BRAT1: variants seen among roughly 807,000 people sequenced by gnomAD.
The protein encoded by BRAT1 is BRCA1 associated ATM activator 1.
A neutral mutation model predicts 70.6 loss-of-function variants in BRAT1; 74 were observed. The observed-to-expected ratio is 1.05, with a 90% CI of 0.87 to 1.27. The LOEUF (loss-of-function observed/expected upper bound fraction) is 1.27, where lower values mean the gene tolerates loss of function less well. Among genes scored for constraint, BRAT1 ranks in the 50% most tolerant of loss-of-function variants. The pLI is 0.00. For missense variants in BRAT1, 1,203 were observed against 1,098.2 expected (o/e 1.10, Z -1.35); for synonymous variants, 615 against 517.1 (o/e 1.19, Z -2.57).
rs146355190 is a variant in BRAT1 at position 2,548,947 on chromosome 7, G to A, written c.128-1469C>T. ...ACCACTGCACTCCAGCCTGGTGACA[G>A]GGCAAGACTCTGTCTCAAAAACAAA... On this transcript the variant is annotated intron_variant, in intron 2 of 13. Coordinates refer to ENST00000340611, the MANE Select transcript of BRAT1 (RefSeq NM_152743.4). Among the ~76,000 whole-genome samples the A allele has an allele frequency of 8.2e-3, 1,249 of 152,256 alleles. 23 individuals are homozygous for A. Among genetic ancestry groups the A allele is most frequent in the African/African-American group, 0.029 (1,186 of 41,532 alleles).
At chr7:2,548,991 A>G (rs1261701612) in intron 2 of BRAT1, among the ~76,000 whole-genome samples, 2 of 152,170 alleles carry the variant, frequency 1.3e-5, no homozygotes, top group Non-Finnish European at 2.9e-5. Flanking sequence ...CAAACAAAAA[A>G]CAATGCCACT....
In BRAT1 at chr7:2,543,807, G is replaced by C. The variant is rs149814450; in HGVS notation, c.586C>G (p.Gln196Glu). ...LPGGDWPACAQKIMDHVEESL... is the reference protein window; with the variant it reads ...LPGGDWPACAEKIMDHVEESL... ...TCTTCAACGTGATCCATGATCTTCT[G>C]GGCACACGCGGGCCAGTCACCCCCC... The change falls in exon 5 of 14, where the codon CAG (glutamine) becomes GAG (glutamate). Residue 196 changes from glutamine (Q) to glutamate (E), a missense_variant. Physicochemically the swap from Gln to Glu is conservative, Grantham distance 29. Coordinates refer to ENST00000340611, the MANE Select transcript of BRAT1 (RefSeq NM_152743.4). The surrounding 1 kb of genome is among the most constrained non-coding windows in gnomAD (Gnocchi z 5.5). The C allele has an allele frequency of 1.9e-6, 3 of 1,612,742 alleles. No homozygotes were observed. Among genetic ancestry groups the C allele is most frequent in the African/African-American group, 2.7e-5 (2 of 74,904 alleles).
At chr7:2,553,957 T>C (rs1780224363) in intron 2 of BRAT1, among the ~76,000 whole-genome samples, 1 of 152,140 alleles carries the variant, frequency 6.6e-6, no homozygotes, top group South Asian at 2.1e-4. Flanking sequence ...CCTACTTTCA[T>C]AATCAGAAAG....
At chr7:2,552,378 A>C (rs371344320) in intron 2 of BRAT1, among the ~76,000 whole-genome samples, 1 of 151,188 alleles carries the variant, frequency 6.6e-6, no homozygotes, top group Admixed American at 6.6e-5. Flanking sequence ...TCAGCCTCCC[A>C]AAGTGCTGGG....
At chr7:2,540,849 G>T in intron 10 of BRAT1, 130 bp downstream of exon 10, 2 of 993,064 alleles carry the variant, frequency 2.0e-6, no homozygotes, top group South Asian at 2.2e-5. Flanking sequence ...GAAGCTCTCT[G>T]AGCAGCAGCT....
At position 2,537,887 on chromosome 7, in the gene BRAT1, A is replaced by T. The variant is rs1040781716; in HGVS notation, c.*182T>A. Reference sequence around the variant, plus strand: ...CTTCAATGCCATTTATTTTGAGTAGAAATAAGTCATTTCTTTAATACATCA... The same window carrying T: ...CTTCAATGCCATTTATTTTGAGTAGTAATAAGTCATTTCTTTAATACATCA... On this transcript the variant is annotated 3_prime_UTR_variant, in exon 14 of 14. Transcript: ENST00000340611. 5 of 1,029,580 alleles carry T rather than the reference A, an allele frequency of 4.9e-6. No individual in the cohort carries two copies. In the African/African-American group the frequency reaches 8.2e-5, roughly 17 times the overall value. 63.8% of individuals were successfully genotyped at this position (1,029,580 alleles called of 1,614,324 possible).
intron 2 of BRAT1, among the ~76,000 whole-genome samples, chr7:2,552,882 C>T (rs1296736165): frequency 2.0e-5 from 3 of 150,540 alleles, no homozygotes; most frequent in Non-Finnish European, 2.9e-5. Context: ...GGACTACAGG[C>T]GCCCACCACC....
At chr7:2,540,860 C>T in intron 10 of BRAT1, 119 bp downstream of exon 10, 1 of 1,065,412 alleles carries the variant, frequency 9.4e-7, no homozygotes, top group Non-Finnish European at 1.3e-6. Context: ...AGCAGCAGCT[C>T]TGTGGCCCTG....
In BRAT1 at chr7:2,540,965, C is replaced by A; in HGVS notation, c.1395+14G>T. 2 of 1,533,078 alleles carry A rather than the reference C, an allele frequency of 1.3e-6. No individual in the cohort carries two copies. Among genetic ancestry groups the A allele is most frequent in the South Asian group, 1.3e-5 (1 of 77,436 alleles). The allele number at this position is 1,533,078 out of a possible 1,614,324, so 95.0% of individuals were successfully genotyped here. ...CCTCCCTCCTCTCCTCGCTCTCTAT[C>A]CCCACCACCGTACCGTGGGGCTGGA... On this transcript the variant is annotated intron_variant, in intron 10 of 13. Coordinates refer to ENST00000340611, the MANE Select transcript of BRAT1 (RefSeq NM_152743.4).
chr7:2,539,647 G>A lies in BRAT1; in HGVS notation c.1499-5C>T, dbSNP rs1452872854. The A allele has an allele frequency of 6.3e-7, 1 of 1,588,424 alleles. No homozygotes were observed. The highest frequency in any genetic ancestry group is 8.6e-7 in the Non-Finnish European group (1 of 1,166,584). On this transcript the variant is annotated splice_polypyrimidine_tract_variant and splice_region_variant and intron_variant, in intron 11 of 13. Coordinates refer to ENST00000340611, the MANE Select transcript of BRAT1 (RefSeq NM_152743.4). ...TCTGCAGCACAGGGAACAGCTCTAG[G>A]GTGGGAAGGGACAGGTCAGGGTGAC...
rs13240450 is a variant in BRAT1 at position 2,543,531 on chromosome 7, G to A, written c.803+59C>T. Reference sequence around the variant, plus strand: ...GGCTGCCAGTGGGACATCCCTGGGCGTTATCCGAGGAAAACAGTTGCCCAC... The same window carrying A: ...GGCTGCCAGTGGGACATCCCTGGGCATTATCCGAGGAAAACAGTTGCCCAC... On this transcript the variant is annotated intron_variant, in intron 5 of 13. Transcript: ENST00000340611. The surrounding 1 kb of genome is among the most constrained non-coding windows in gnomAD (Gnocchi z 5.5). The A allele has an allele frequency of 0.15, 229,148 of 1,493,472 alleles. 19,385 individuals are homozygous for A. The highest frequency in any genetic ancestry group is 0.18 in the Admixed American group (7,676 of 42,882). 92.5% of individuals were successfully genotyped at this position (1,493,472 alleles called of 1,614,324 possible).
Position 2,543,588 on chromosome 7 carries a change from A to T in BRAT1, c.803+2T>A. ...CCCCCAGCTGCGTCCCGGGGCCCTG[A>T]CCGAGCCACACAGAGAAGCAGGTCC... On this transcript the variant is annotated splice_donor_variant, in intron 5 of 13. Coordinates refer to ENST00000340611, the MANE Select transcript of BRAT1 (RefSeq NM_152743.4). LOFTEE classifies it high-confidence loss of function. The surrounding 1 kb of genome is among the most constrained non-coding windows in gnomAD (Gnocchi z 5.5). 1 of 1,510,428 alleles carries T rather than the reference A, an allele frequency of 6.6e-7. No homozygotes were observed. The highest frequency in any genetic ancestry group is 1.3e-5 in the South Asian group (1 of 74,958). The allele number at this position is 1,510,428 out of a possible 1,614,324, so 93.6% of individuals were successfully genotyped here.
In BRAT1 at chr7:2,544,014, C is replaced by A. The variant is rs767564925; in HGVS notation, c.431-52G>T. On this transcript the variant is annotated intron_variant, in intron 4 of 13. Coordinates refer to ENST00000340611, the MANE Select transcript of BRAT1 (RefSeq NM_152743.4). Reference sequence around the variant, plus strand: ...GAAAAGGGGGTGAGCCAGAATAGAGCTGGGGGAGGCAGAGGGCCTCAGGGA... The same window carrying A: ...GAAAAGGGGGTGAGCCAGAATAGAGATGGGGGAGGCAGAGGGCCTCAGGGA... 6.4e-6 allele frequency: 9 copies of A among 1,413,684 alleles called. No individual in the cohort carries two copies. In the East Asian group the frequency reaches 1.7e-4, roughly 27 times the overall value. The allele number at this position is 1,413,684 out of a possible 1,614,324, so 87.6% of individuals were successfully genotyped here.
chr7:2,543,481 C>T lies in BRAT1; in HGVS notation c.803+109G>A. ...GGGTCACCCCGGTGCCGCTTCACTG[C>T]AGGCCATGTCCTCAGAGAGTCTCCG... is the stretch of plus-strand genomic sequence containing the variant. On this transcript the variant is annotated intron_variant, in intron 5 of 13. Coordinates refer to ENST00000340611, the MANE Select transcript of BRAT1 (RefSeq NM_152743.4). The surrounding 1 kb of genome is among the most constrained non-coding windows in gnomAD (Gnocchi z 5.5). 1 of 1,481,542 alleles carries T rather than the reference C, an allele frequency of 6.7e-7. No individual in the cohort carries two copies. 91.8% of individuals were successfully genotyped at this position (1,481,542 alleles called of 1,614,324 possible). A position where few individuals can be genotyped will look rare whatever the true frequency, so the allele number is the denominator to read the frequency against.
intron 13 of BRAT1, 117 bp downstream of exon 13, chr7:2,539,062 T>C (rs1303851507): frequency 4.8e-6 from 7 of 1,467,618 alleles, no homozygotes; most frequent in Non-Finnish European, 6.3e-6. Flanking sequence ...CTGCAGGCGC[T>C]GCCCACAGCA....
chr7:2,555,009 G>C (rs1780312393), intron 1 of BRAT1, among the ~76,000 whole-genome samples: 1 of 151,710 alleles, frequency 6.6e-6, no homozygotes, highest in East Asian at 2.0e-4. Context: ...CTGTTCTGCA[G>C]CCAGTAGGAG....
intron 4 of BRAT1, among the ~76,000 whole-genome samples, chr7:2,544,592 C>G (rs939562537): frequency 6.6e-6 from 1 of 152,170 alleles, no homozygotes; most frequent in Non-Finnish European, 1.5e-5. Context: ...CCTCGAACCC[C>G]TGGGCTCAAG....
chr7:2,539,249 G>A lies in BRAT1; in HGVS notation c.1700C>T (p.Thr567Ile). ...PESYVRASAVTAMGQLSSQGL... is the reference protein window; with the variant it reads ...PESYVRASAVIAMGQLSSQGL... ...CTGGCTGGACAGCTGCCCCATGGCG[G>A]TCACTGCACTCGCTCGGACATAACT... The change falls in exon 13 of 14, where the codon ACC becomes ATC. Residue 567 changes from threonine to isoleucine, a missense_variant. Physicochemically the swap from Thr to Ile is moderately conservative, Grantham distance 89. Coordinates refer to ENST00000340611, the MANE Select transcript of BRAT1 (RefSeq NM_152743.4). 1.2e-6 allele frequency: 2 copies of A among 1,611,486 alleles called. No homozygotes were observed. Among genetic ancestry groups the A allele is most frequent in the Non-Finnish European group, 1.7e-6 (2 of 1,179,928 alleles).
intron 8 of BRAT1, 114 bp from the exon 9 acceptor site, chr7:2,541,598 C>T (rs1779169668): frequency 3.4e-6 from 5 of 1,457,652 alleles, no homozygotes; most frequent in Non-Finnish European, 4.6e-6. Flanking sequence ...GTTGTGGTCC[C>T]ACTGCTGGCG....
Sources: gnomAD v4.1 joint callset for allele counts (sites outside exome capture counted in the v4.1 genomes callset) on GRCh38, gnomAD v4.1.1 for gene constraint, Gnocchi (gnomAD v3.1) non-coding constraint, MANE v1.5 for transcripts, NCBI Gene and HGNC (gene_info 2026-07-23, HGNC 2026-07-21) for gene names.